ZBTB7C: variants seen among roughly 807,000 people sequenced by gnomAD.
ZBTB7C encodes zinc finger and BTB domain containing 7C, also known as zinc finger and BTB domain-containing protein 7C.
A neutral mutation model predicts 25.7 loss-of-function variants in ZBTB7C; 8 were observed. The ratio of observed to expected loss-of-function variants is 0.31; its 90% CI spans 0.18 to 0.56. ZBTB7C has a LOEUF of 0.56. ZBTB7C is among the 20% of genes least tolerant of loss of function. The pLI, the probability that ZBTB7C is intolerant of heterozygous loss-of-function variation, is 0.91. For missense variants in ZBTB7C, 824 were observed against 855.2 expected (o/e 0.96, Z 0.46); for synonymous variants, 394 against 369.0 (o/e 1.07, Z -0.78).
chr18:48,067,398 A>G (rs940241424), intron 3 of ZBTB7C, among the ~76,000 whole-genome samples: 2 of 152,220 alleles, frequency 1.3e-5, no homozygotes, highest in Non-Finnish European at 2.9e-5. Context: ...TTACATGTCA[A>G]CTTGGCTAGG....
chr18:48,316,061 C>T (rs552350008), intron 2 of ZBTB7C, among the ~76,000 whole-genome samples: 79 of 152,300 alleles, frequency 5.2e-4, no homozygotes, highest in Admixed American at 1.4e-3. Context: ...CACCCACTCT[C>T]CCACCCAGAC....
chr18:48,197,215 A>G (rs2042338517), intron 2 of ZBTB7C, among the ~76,000 whole-genome samples: 1 of 152,182 alleles, frequency 6.6e-6, no homozygotes, highest in African/African-American at 2.4e-5. Flanking sequence ...AAATGGAACT[A>G]GGGACCAGAT....
intron 2 of ZBTB7C, among the ~76,000 whole-genome samples, chr18:48,229,882 C>T (rs931673822): frequency 2.0e-5 from 3 of 152,082 alleles, no homozygotes; most frequent in East Asian, 1.9e-4. Flanking sequence ...TCCTTTTGGC[C>T]TCCACGTGGT....
At chr18:48,183,187 A>C (rs891034928) in intron 3 of ZBTB7C, among the ~76,000 whole-genome samples, 12 of 152,178 alleles carry the variant, frequency 7.9e-5, no homozygotes, top group Non-Finnish European at 1.6e-4. Flanking sequence ...ATTTCGGCTC[A>C]ATCCCTTCTG....
chr18:48,141,677 C>T (rs1320293277), intron 3 of ZBTB7C, among the ~76,000 whole-genome samples: 1 of 152,092 alleles, frequency 6.6e-6, no homozygotes, highest in African/African-American at 2.4e-5. Context: ...CATTTCACAC[C>T]GCATTTAACA....
At chr18:48,155,043 T>C (rs1029708120) in intron 3 of ZBTB7C, among the ~76,000 whole-genome samples, 1 of 152,180 alleles carries the variant, frequency 6.6e-6, no homozygotes, top group African/African-American at 2.4e-5. Flanking sequence ...AGCAGTCCCT[T>C]ACCCTATATT....
chr18:48,033,514 C>T (rs2035847122), intron 4 of ZBTB7C, among the ~76,000 whole-genome samples: 1 of 152,158 alleles, frequency 6.6e-6, no homozygotes, highest in Non-Finnish European at 1.5e-5. Context: ...TAGGCAGGAG[C>T]TTTCCCTAAT....
intron 1 of ZBTB7C, among the ~76,000 whole-genome samples, chr18:48,379,522 T>G (rs2047590615): frequency 6.6e-6 from 1 of 152,206 alleles, no homozygotes; most frequent in African/African-American, 2.4e-5. Context: ...CATGATGCTG[T>G]GCTTTGCCTC....
In ZBTB7C at chr18:48,183,162, C is replaced by G. The variant is rs975936842; in HGVS notation, c.-17+2772G>C. ...AATCAGGCTATTAATTGCTCCCTCT[C>G]CAAAGAAAAGGCCTATTTCGGCTCA... On this transcript the variant is annotated intron_variant, in intron 3 of 4. Coordinates refer to ENST00000590800, the MANE Select transcript of ZBTB7C (RefSeq NM_001318841.2). Among the ~76,000 whole-genome samples the G allele has an allele frequency of 5.3e-5, 8 of 152,152 alleles. 1 individual carries two copies. In the South Asian group the frequency reaches 1.7e-3, roughly 31 times the overall value.
intron 2 of ZBTB7C, among the ~76,000 whole-genome samples, chr18:48,310,357 C>T (rs1298588312): frequency 9.2e-5 from 14 of 151,388 alleles, no homozygotes; most frequent in East Asian, 1.9e-4. Context: ...CAATCCTTTC[C>T]GCGTTCCATT....
intron 2 of ZBTB7C, among the ~76,000 whole-genome samples, chr18:48,334,873 G>T (rs1025690494): frequency 6.6e-6 from 1 of 152,168 alleles, no homozygotes; most frequent in Non-Finnish European, 1.5e-5. Context: ...TCCCTGGGTT[G>T]GATCCCAAGA....
At chr18:48,270,253 C>CTTTTTTTT (rs760096959) in intron 2 of ZBTB7C, among the ~76,000 whole-genome samples, 166 of 98,738 alleles carry the variant, frequency 1.7e-3, no homozygotes, top group Non-Finnish European at 2.0e-3. Context: ...TTCTCTCTTT[C>CTTTTTTTT]TTTTTTTTTT....
At chr18:48,071,562 T>C (rs1301325611) in intron 3 of ZBTB7C, among the ~76,000 whole-genome samples, 1 of 152,222 alleles carries the variant, frequency 6.6e-6, no homozygotes, top group Admixed American at 6.5e-5. Context: ...ATGCTGCAGC[T>C]GCTGTGGCAA....
At chr18:48,266,491 C>A (rs2044318414) in intron 2 of ZBTB7C, among the ~76,000 whole-genome samples, 1 of 151,890 alleles carries the variant, frequency 6.6e-6, no homozygotes, top group Admixed American at 6.5e-5. Context: ...CAATCTCACC[C>A]AGCCAAGACT....
rs1008038137 is a variant in ZBTB7C at position 48,187,429 on chromosome 18, T to C, written c.-78-1434A>G. On this transcript the variant is annotated intron_variant, in intron 2 of 4. Transcript: ENST00000590800. Reference sequence around the variant, plus strand: ...ACAGCATGGATGAACCTCCAGGCCATTATGCTAAGTGAAATAAGCCAGTCA... The same window carrying C: ...ACAGCATGGATGAACCTCCAGGCCACTATGCTAAGTGAAATAAGCCAGTCA... Among the ~76,000 whole-genome samples, 6 of 152,152 alleles carry C rather than the reference T, an allele frequency of 3.9e-5. No individual in the cohort carries two copies. The East Asian group carries it at 7.7e-4, about 20-fold the overall frequency.
At chr18:48,209,803 C>A (rs983496742) in intron 2 of ZBTB7C, among the ~76,000 whole-genome samples, 1 of 150,272 alleles carries the variant, frequency 6.7e-6, no homozygotes, top group Admixed American at 6.6e-5. Flanking sequence ...GGACAAATGA[C>A]AAAATAAAAC....
chr18:48,264,717 T>G (rs895150768), intron 2 of ZBTB7C, among the ~76,000 whole-genome samples: 10 of 152,310 alleles, frequency 6.6e-5, no homozygotes, highest in South Asian at 6.2e-4. Flanking sequence ...TCTGCTCACA[T>G]GGGGAATGGT....
At chr18:48,274,718 C>T (rs1204603540) in intron 2 of ZBTB7C, among the ~76,000 whole-genome samples, 1 of 152,206 alleles carries the variant, frequency 6.6e-6, no homozygotes, top group East Asian at 1.9e-4. Context: ...AGTTCCATCA[C>T]CTGTCTCCAT....
chr18:48,332,673 C>CTTTT (rs58216606), intron 2 of ZBTB7C, among the ~76,000 whole-genome samples: 13 of 85,696 alleles, frequency 1.5e-4, no homozygotes, highest in South Asian at 4.7e-4. Flanking sequence ...CTCTCCTTTG[C>CTTTT]TTTTTTTTTT....
Sources: allele counts gnomAD v4.1 joint callset (sites outside exome capture counted in the v4.1 genomes callset), GRCh38; gene constraint gnomAD v4.1.1; transcripts MANE v1.5; gene names NCBI Gene and HGNC (gene_info 2026-07-23, HGNC 2026-07-21).